The following CRPPA variants were observed in gnomAD, a reference collection of about 807,000 sequenced individuals.
The protein encoded by CRPPA is D-ribitol-5-phosphate cytidylyltransferase.
In CRPPA, 43 loss-of-function variants were observed where a neutral mutation model predicts 52.0. The observed-to-expected ratio is 0.83, with a 90% CI of 0.65 to 1.07. The LOEUF is 1.07. Among genes scored for constraint, CRPPA ranks in the 50% least tolerant of loss-of-function variants. The pLI, the probability that CRPPA is intolerant of heterozygous loss-of-function variation, is 0.00. For synonymous variants in CRPPA, 250 were observed against 203.5 expected, an observed-to-expected ratio of 1.23 and a Z score of -1.94; for missense variants, 629 against 551.7, an observed-to-expected ratio of 1.14 and a Z score of -1.40.
chr7:16,394,922 A>G (rs1389319243), intron 2 of CRPPA, among the ~76,000 whole-genome samples: 1 of 152,216 alleles, frequency 6.6e-6, no homozygotes, highest in African/African-American at 2.4e-5. Context: ...CTCACGTTAA[A>G]AGGCATATAT....
intron 8 of CRPPA, among the ~76,000 whole-genome samples, chr7:16,221,484 A>G (rs1344660090): frequency 6.6e-6 from 1 of 152,232 alleles, no homozygotes; most frequent in East Asian, 1.9e-4. Context: ...ACAGCAAAAG[A>G]AACTACCATC....
At chr7:16,321,730 T>C (rs1350173277) in intron 3 of CRPPA, among the ~76,000 whole-genome samples, 1 of 152,166 alleles carries the variant, frequency 6.6e-6, no homozygotes, top group Admixed American at 6.5e-5. Context: ...AAGTTACCCA[T>C]AGGACAACCA....
chr7:16,418,805 G>A (rs1788255521), intron 1 of CRPPA, among the ~76,000 whole-genome samples: 2 of 152,064 alleles, frequency 1.3e-5, no homozygotes, highest in African/African-American at 4.8e-5. Flanking sequence ...GAGATTTTTG[G>A]GTGGAGACAC....
At chr7:16,095,131 C>T (rs576795796) in intron 9 of CRPPA, among the ~76,000 whole-genome samples, 37 of 152,274 alleles carry the variant, frequency 2.4e-4, no homozygotes, top group African/African-American at 8.9e-4. Flanking sequence ...CTGAAGCATA[C>T]TCCTTTCAAA....
rs1202301958 is a variant in CRPPA at position 16,122,373 on chromosome 7, T to C, written c.1252-30574A>G. Reference sequence around the variant, plus strand: ...CCATCTTGATTATACACATTTCCAATGAAAAGAATGAGAGACACCACTGAA... The same window carrying C: ...CCATCTTGATTATACACATTTCCAACGAAAAGAATGAGAGACACCACTGAA... On this transcript the variant is annotated intron_variant, in intron 9 of 9. Coordinates refer to ENST00000407010, the MANE Select transcript of CRPPA (RefSeq NM_001101426.4). Among the ~76,000 whole-genome samples the C allele has an allele frequency of 3.3e-5, 5 of 151,878 alleles. No individual in the cohort carries two copies. The East Asian group carries it at 9.7e-4, about 29-fold the overall frequency.
At position 16,089,177 on chromosome 7, in the gene CRPPA, C is replaced by T. The variant is rs774119580; in HGVS notation, c.*2518G>A. 4.9e-5 allele frequency: 15 copies of T among 305,400 alleles called. No individual in the cohort carries two copies. Among genetic ancestry groups the T allele is most frequent in the East Asian group, 1.6e-4 (2 of 12,844 alleles). 18.9% of individuals were successfully genotyped at this position (305,400 alleles called of 1,614,324 possible). A position where few individuals can be genotyped will look rare whatever the true frequency, so the allele number is the denominator to read the frequency against. ...AAACATAAAAATACATATATACGTA[C>T]GTATATACATATATGTGTGTATATA... On this transcript the variant is annotated 3_prime_UTR_variant, in exon 10 of 10. Coordinates refer to ENST00000407010, the MANE Select transcript of CRPPA (RefSeq NM_001101426.4).
intron 9 of CRPPA, among the ~76,000 whole-genome samples, chr7:16,134,538 T>C (rs915143337): frequency 1.3e-5 from 2 of 152,184 alleles, no homozygotes; most frequent in African/African-American, 4.8e-5. Flanking sequence ...CGGTCAACAG[T>C]AGGTTAGTAG....
Position 16,376,151 on chromosome 7 carries a change from T to G in CRPPA, c.625A>C (p.Arg209=). The change falls in exon 3 of 10, where the codon AGA becomes CGA. Residue 209 remains arginine (R), a synonymous_variant. Transcript: ENST00000407010. ...AAAGCTTGGGGCATTTCACTTGCTC[T>G]GTGTCTGGCACGTTCTAGCGAGTAG... ...LDYSLERARH[R]ASEMPQAFLF... is the part of the protein sequence containing the mutation. 6.2e-7 allele frequency: 1 copy of G among 1,613,154 alleles called. No homozygotes were observed. Among genetic ancestry groups the G allele is most frequent in the South Asian group, 1.1e-5 (1 of 90,878 alleles).
At chr7:16,115,550 T>C (rs974624991) in intron 9 of CRPPA, among the ~76,000 whole-genome samples, 1 of 152,208 alleles carries the variant, frequency 6.6e-6, no homozygotes, top group African/African-American at 2.4e-5. Flanking sequence ...AATTGTGACA[T>C]GCAAGGTGCA....
chr7:16,187,526 C>T (rs1284037019), intron 9 of CRPPA, among the ~76,000 whole-genome samples: 4 of 152,140 alleles, frequency 2.6e-5, no homozygotes, highest in Admixed American at 2.6e-4. Flanking sequence ...AATATTCTTG[C>T]TATTTCATTT....
chr7:16,408,373 G>A (rs549295962), intron 1 of CRPPA, among the ~76,000 whole-genome samples: 2 of 152,262 alleles, frequency 1.3e-5, no homozygotes, highest in Non-Finnish European at 2.9e-5. Flanking sequence ...CAGGCTAGGA[G>A]AGAAGGAGAG....
At chr7:16,391,493 T>C (rs766371349) in intron 2 of CRPPA, among the ~76,000 whole-genome samples, 8 of 152,190 alleles carry the variant, frequency 5.3e-5, no homozygotes, top group Non-Finnish European at 1.0e-4. Flanking sequence ...AACCTGTTCA[T>C]GATGAGTTAG....
At chr7:16,351,667 C>G (rs1294541316) in intron 3 of CRPPA, among the ~76,000 whole-genome samples, 1 of 152,088 alleles carries the variant, frequency 6.6e-6, no homozygotes, top group African/African-American at 2.4e-5. Context: ...AAAAAAAGCT[C>G]ATCATCACTG....
intron 9 of CRPPA, among the ~76,000 whole-genome samples, chr7:16,101,756 G>A (rs1393392354): frequency 2.6e-5 from 4 of 152,046 alleles, no homozygotes; most frequent in Non-Finnish European, 4.4e-5. Context: ...GAAGGGATGT[G>A]AAATACCTCT....
chr7:16,214,260 G>A lies in CRPPA; in HGVS notation c.1251+1806C>T, dbSNP rs555786576. Reference sequence around the variant, plus strand: ...TAACTAGGCATCATATATATAACCTGGCAACATTACACTTTACTGGAAAGT... The same window carrying A: ...TAACTAGGCATCATATATATAACCTAGCAACATTACACTTTACTGGAAAGT... On this transcript the variant is annotated intron_variant, in intron 9 of 9. Transcript: ENST00000407010. Among the ~76,000 whole-genome samples the A allele has an allele frequency of 2.6e-5, 4 of 152,174 alleles. No individual in the cohort carries two copies. In the South Asian group the frequency reaches 8.3e-4, roughly 32 times the overall value.
intron 9 of CRPPA, among the ~76,000 whole-genome samples, chr7:16,107,295 C>T (rs1782176286): frequency 6.6e-6 from 1 of 151,936 alleles, no homozygotes; most frequent in Admixed American, 6.6e-5. Flanking sequence ...ATCAATGCAA[C>T]CCAGAAAGAA....
At chr7:16,335,283 G>A (rs1217192126) in intron 3 of CRPPA, among the ~76,000 whole-genome samples, 1 of 152,000 alleles carries the variant, frequency 6.6e-6, no homozygotes, top group Non-Finnish European at 1.5e-5. Flanking sequence ...ACCGTGGGAG[G>A]TCAAGGCTGC....
intron 1 of CRPPA, among the ~76,000 whole-genome samples, chr7:16,412,440 CA>C (rs987474386): frequency 1.3e-5 from 2 of 151,546 alleles, no homozygotes; most frequent in Non-Finnish European, 2.9e-5. Flanking sequence ...TGTAACAGGT[CA>C]AAAAAAAGTT....
chr7:16,098,305 T>C (rs1440283986), intron 9 of CRPPA, among the ~76,000 whole-genome samples: 1 of 152,184 alleles, frequency 6.6e-6, no homozygotes, highest in Non-Finnish European at 1.5e-5. Flanking sequence ...AGGAAAACTA[T>C]AAAGTTAAAA....
Sources: allele counts gnomAD v4.1 joint callset (sites outside exome capture counted in the v4.1 genomes callset), GRCh38; gene constraint gnomAD v4.1.1; transcripts MANE v1.5; gene names NCBI Gene and HGNC (gene_info 2026-07-23, HGNC 2026-07-21).